The following FARS2 variants were observed in gnomAD, a reference collection of about 807,000 sequenced individuals.
FARS2 encodes phenylalanyl-tRNA synthetase 2, mitochondrial, also known as phenylalanine--tRNA ligase, mitochondrial.
FARS2 carries 40 observed loss-of-function variants against 46.4 expected under a neutral mutation model. The ratio of observed to expected loss-of-function variants is 0.86; its 90% confidence interval spans 0.67 to 1.12. The LOEUF is 1.12. FARS2 is among the 50% of genes most tolerant of loss of function. FARS2 has a pLI of 0.00. For missense variants in FARS2, 513 were observed against 567.9 expected, an observed-to-expected ratio of 0.90 and a Z score of 0.98; for synonymous variants, 234 against 214.9, an observed-to-expected ratio of 1.09 and a Z score of -0.78.
chr6:5,330,514 T>C (rs1770726770), intron 1 of FARS2, among the ~76,000 whole-genome samples: 1 of 152,164 alleles, frequency 6.6e-6, no homozygotes, highest in African/African-American at 2.4e-5. Flanking sequence ...TGGTATGATA[T>C]AGGCTAGGAG....
intron 5 of FARS2, among the ~76,000 whole-genome samples, chr6:5,599,083 A>T (rs1374868373): frequency 6.6e-6 from 1 of 152,184 alleles, no homozygotes; most frequent in African/African-American, 2.4e-5. Flanking sequence ...AGATGATGTG[A>T]AATTAACAAG....
At chr6:5,341,235 A>ATATATTTTT (rs1561970178) in intron 1 of FARS2, among the ~76,000 whole-genome samples, 2 of 10,272 alleles carry the variant, frequency 1.9e-4, no homozygotes, top group Non-Finnish European at 2.0e-4. Context: ...ATATATATAT[A>ATATATTTTT]TTTTTTTTTT....
At chr6:5,416,512 A>G (rs1054226715) in intron 3 of FARS2, among the ~76,000 whole-genome samples, 43 of 152,172 alleles carry the variant, frequency 2.8e-4, no homozygotes, top group African/African-American at 9.9e-4. Flanking sequence ...ATCTTGACAC[A>G]ATACTTCACT....
intron 2 of FARS2, among the ~76,000 whole-genome samples, chr6:5,382,177 A>G (rs916153005): frequency 1.3e-5 from 2 of 152,262 alleles, no homozygotes; most frequent in African/African-American, 4.8e-5. Context: ...CGTTTGACAA[A>G]TGACAAGGAA....
chr6:5,528,832 G>A (rs1225406095), intron 4 of FARS2, among the ~76,000 whole-genome samples: 1 of 152,118 alleles, frequency 6.6e-6, no homozygotes, highest in Non-Finnish European at 1.5e-5. Context: ...CTTTCCTCCT[G>A]ACTGATACGT....
rs201410497 is a variant in FARS2 at position 5,368,858 on chromosome 6, C to T, written c.288C>T (p.His96=). The T allele has an allele frequency of 7.4e-5, 119 of 1,614,136 alleles. No individual in the cohort carries two copies. The East Asian group carries it at 2.3e-3, about 31-fold the overall frequency. The change falls in exon 2 of 7, where the codon CAC becomes CAT. Residue 96 remains histidine, a synonymous_variant. Coordinates refer to ENST00000274680, the MANE Select transcript of FARS2 (RefSeq NM_006567.5). The part of the protein sequence containing the change: ...LWLIKERVKE[H]FYKQYVGRFG... ...TGATCAAGGAGAGGGTGAAGGAGCACTTCTACAAGCAGTATGTGGGCCGCT... is the reference window on the plus strand; with the variant it reads ...TGATCAAGGAGAGGGTGAAGGAGCATTTCTACAAGCAGTATGTGGGCCGCT...
chr6:5,700,826 G>T (rs1006419993), intron 6 of FARS2, among the ~76,000 whole-genome samples: 1 of 152,198 alleles, frequency 6.6e-6, no homozygotes, highest in Admixed American at 6.5e-5. Flanking sequence ...GCACACGTGG[G>T]CCGCGCTCTG....
At chr6:5,746,211 T>G (rs1003392020) in intron 6 of FARS2, among the ~76,000 whole-genome samples, 27 of 152,198 alleles carry the variant, frequency 1.8e-4, no homozygotes, top group African/African-American at 6.5e-4. Flanking sequence ...CCAGGCAGGC[T>G]TTCCACTAGG....
chr6:5,491,248 A>C (rs1219820537), intron 4 of FARS2, among the ~76,000 whole-genome samples: 4 of 152,064 alleles, frequency 2.6e-5, no homozygotes, highest in African/African-American at 9.7e-5. Context: ...GTTTGTCCAA[A>C]TCTTTTGCCC....
chr6:5,645,197 C>T (rs1205480703), intron 6 of FARS2, among the ~76,000 whole-genome samples: 1 of 152,134 alleles, frequency 6.6e-6, no homozygotes, highest in African/African-American at 2.4e-5. Context: ...AGTCATTCTC[C>T]CTCTGGTGTA....
chr6:5,332,492 GATTT>G (rs1770865757), intron 1 of FARS2, among the ~76,000 whole-genome samples: 1 of 152,208 alleles, frequency 6.6e-6, no homozygotes, highest in South Asian at 2.1e-4. Context: ...GAAGCTGGCA[GATTT>G]ATTTATGTGA....
chr6:5,643,462 T>C (rs73360302), intron 6 of FARS2, among the ~76,000 whole-genome samples: 5,312 of 152,288 alleles, frequency 0.035, 243 homozygotes, highest in African/African-American at 0.1. Context: ...TGAATAAGCA[T>C]GGAGGTCTGC....
At chr6:5,264,969 T>TA (rs1765455193) in intron 1 of FARS2, among the ~76,000 whole-genome samples, 1 of 114,700 alleles carries the variant, frequency 8.7e-6, no homozygotes, top group Non-Finnish European at 2.0e-5. Flanking sequence ...GATTTTTAAG[T>TA]GTTTTTTTTT....
chr6:5,360,889 G>A (rs1169134537), intron 1 of FARS2, among the ~76,000 whole-genome samples: 7 of 152,186 alleles, frequency 4.6e-5, no homozygotes, highest in Non-Finnish European at 2.9e-5. Context: ...GACATTTTTA[G>A]TGAAACAGAG....
intron 5 of FARS2, among the ~76,000 whole-genome samples, chr6:5,566,168 A>T (rs1772312538): frequency 6.6e-6 from 1 of 152,232 alleles, no homozygotes; most frequent in Non-Finnish European, 1.5e-5. Context: ...ATTACAAGGC[A>T]GCCCAAAGCC....
At chr6:5,362,930 T>TTC (rs1758404155) in intron 1 of FARS2, among the ~76,000 whole-genome samples, 2 of 138,102 alleles carry the variant, frequency 1.4e-5, no homozygotes, top group Non-Finnish European at 3.2e-5. Flanking sequence ...TTTCTTTCTT[T>TTC]TTTTTTTTTT....
chr6:5,451,287 A>C (rs1344017956), intron 4 of FARS2, among the ~76,000 whole-genome samples: 1 of 152,088 alleles, frequency 6.6e-6, no homozygotes, highest in African/African-American at 2.4e-5. Flanking sequence ...GTGGAAATCT[A>C]GTGTGCTTTG....
chr6:5,659,973 TCCCTTC>T lies in FARS2; in HGVS notation c.1217+46656_1217+46661del, dbSNP rs527852947. ...GGAAACCCGCTTTACTACCTTCCTC[TCCCTTC>T]CCTCTTTTACTTTCTTTCTTAAGTT... On this transcript the variant is annotated intron_variant, in intron 6 of 6. Coordinates refer to ENST00000274680, the MANE Select transcript of FARS2 (RefSeq NM_006567.5). Among the ~76,000 whole-genome samples the T allele has an allele frequency of 4.6e-3, 696 of 152,324 alleles. 3 individuals carry two copies. The highest frequency in any genetic ancestry group is 7.0e-3 in the Non-Finnish European group (474 of 68,022).
At chr6:5,301,767 T>G (rs1768318546) in intron 1 of FARS2, among the ~76,000 whole-genome samples, 1 of 151,034 alleles carries the variant, frequency 6.6e-6, no homozygotes, top group Non-Finnish European at 1.5e-5. Context: ...TCCAGCCTGC[T>G]GGGTGACAGA....
Sources: allele counts gnomAD v4.1 joint callset (sites outside exome capture counted in the v4.1 genomes callset), GRCh38; gene constraint gnomAD v4.1.1; transcripts MANE v1.5; gene names NCBI Gene and HGNC (gene_info 2026-07-23, HGNC 2026-07-21).